The following GPR158 variants were observed in gnomAD, a reference collection of about 807,000 sequenced individuals.
GPR158 encodes the protein metabotropic glycine receptor.
A neutral mutation model predicts 78.2 loss-of-function variants in GPR158; 30 were observed. The ratio of observed to expected loss-of-function variants is 0.38; its 90% CI spans 0.29 to 0.52. The LOEUF (loss-of-function observed/expected upper bound fraction) is 0.52. GPR158 is among the 20% of genes least tolerant of loss of function. The probability of loss-of-function intolerance (pLI) is 0.83; values close to 1 mark genes in which losing one functional copy is unlikely to be tolerated. For synonymous variants in GPR158, 581 were observed against 591.1 expected (o/e 0.98, Z 0.25); for missense variants, 1,463 against 1,523.5 (o/e 0.96, Z 0.66).
At chr10:25,486,047 C>G (rs908502944) in intron 5 of GPR158, among the ~76,000 whole-genome samples, 1 of 152,044 alleles carries the variant, frequency 6.6e-6, no homozygotes, top group Non-Finnish European at 1.5e-5. Context: ...TGTCAGACAC[C>G]AAATCTATGG....
intron 2 of GPR158, among the ~76,000 whole-genome samples, chr10:25,340,389 C>T (rs1367206535): frequency 2.0e-5 from 3 of 151,998 alleles, no homozygotes; most frequent in Non-Finnish European, 2.9e-5. Context: ...GGAGGATACT[C>T]AGGAAATAAA....
intron 2 of GPR158, among the ~76,000 whole-genome samples, chr10:25,255,804 A>G (rs1853882165): frequency 6.6e-6 from 1 of 152,196 alleles, no homozygotes; most frequent in South Asian, 2.1e-4. Context: ...TTGACTCAAA[A>G]TCAACTGATT....
chr10:25,493,381 G>A (rs1835837191), intron 5 of GPR158, among the ~76,000 whole-genome samples: 1 of 152,120 alleles, frequency 6.6e-6, no homozygotes, highest in Non-Finnish European at 1.5e-5. Context: ...TAAGCCCCAT[G>A]CTGCTCTTTG....
chr10:25,386,520 G>T (rs1045391188), intron 2 of GPR158, among the ~76,000 whole-genome samples: 1 of 152,096 alleles, frequency 6.6e-6, no homozygotes, highest in Non-Finnish European at 1.5e-5. Flanking sequence ...GTTTTGCTTT[G>T]CTTTGAATAG....
intron 1 of GPR158, among the ~76,000 whole-genome samples, chr10:25,201,152 C>T (rs1260455003): frequency 6.6e-6 from 1 of 151,910 alleles, no homozygotes; most frequent in Non-Finnish European, 1.5e-5. Context: ...AATATTTTTC[C>T]ATTTTTTGTG....
chr10:25,186,029 A>C (rs963197631), intron 1 of GPR158, among the ~76,000 whole-genome samples: 1 of 152,218 alleles, frequency 6.6e-6, no homozygotes. Context: ...TGTCTCTCAG[A>C]CCACAGTGCA....
chr10:25,461,156 A>G (rs1835354606), intron 4 of GPR158, among the ~76,000 whole-genome samples: 1 of 152,172 alleles, frequency 6.6e-6, no homozygotes, highest in Non-Finnish European at 1.5e-5. Context: ...TTAGTGTTCA[A>G]GTGAAAGGAA....
At chr10:25,343,737 T>C (rs749694302) in intron 2 of GPR158, among the ~76,000 whole-genome samples, 8 of 152,020 alleles carry the variant, frequency 5.3e-5, no homozygotes, top group Non-Finnish European at 1.2e-4. Context: ...ACAGGTTCAA[T>C]GGACTACTTT....
chr10:25,497,427 C>T (rs1004084855), intron 5 of GPR158, among the ~76,000 whole-genome samples: 1 of 152,154 alleles, frequency 6.6e-6, no homozygotes, highest in African/African-American at 2.4e-5. Flanking sequence ...CGCCTATTAA[C>T]AGTCAGTGGA....
At chr10:25,574,725 A>G (rs1001632793) in intron 7 of GPR158, among the ~76,000 whole-genome samples, 1 of 152,108 alleles carries the variant, frequency 6.6e-6, no homozygotes, top group African/African-American at 2.4e-5. Context: ...TCTCTACTAA[A>G]AATACAAAAA....
chr10:25,373,823 G>A (rs931038558), intron 2 of GPR158, among the ~76,000 whole-genome samples: 15 of 151,906 alleles, frequency 9.9e-5, no homozygotes, highest in African/African-American at 3.6e-4. Context: ...TTTGAAATCT[G>A]TGGAGAGTCC....
intron 2 of GPR158, among the ~76,000 whole-genome samples, chr10:25,234,567 T>C (rs1269908948): frequency 1.3e-5 from 2 of 152,236 alleles, no homozygotes; most frequent in Non-Finnish European, 1.5e-5. Flanking sequence ...TTCTGTATTT[T>C]ACTCTTCAAA....
At chr10:25,450,543 G>A (rs144851546) in intron 4 of GPR158, among the ~76,000 whole-genome samples, 19 of 150,596 alleles carry the variant, frequency 1.3e-4, no homozygotes, top group African/African-American at 2.4e-4. Context: ...TCCTTATTCC[G>A]TAAAAATTTT....
chr10:25,178,764 A>ACT (rs1564383830), intron 1 of GPR158, among the ~76,000 whole-genome samples: 1 of 152,164 alleles, frequency 6.6e-6, no homozygotes, highest in Non-Finnish European at 1.5e-5. Flanking sequence ...CACAGTAGAA[A>ACT]CCAGAAGAAA....
chr10:25,420,288 T>C (rs1422889996), intron 4 of GPR158, among the ~76,000 whole-genome samples: 1 of 151,326 alleles, frequency 6.6e-6, no homozygotes, highest in Non-Finnish European at 1.5e-5. Flanking sequence ...GAGCTAGGAC[T>C]ACAGCTGCAT....
chr10:25,473,699 A>T (rs1457123364), intron 5 of GPR158, among the ~76,000 whole-genome samples: 1 of 152,130 alleles, frequency 6.6e-6, no homozygotes, highest in Non-Finnish European at 1.5e-5. Flanking sequence ...GTATGTGTCG[A>T]GGAATTTATC....
chr10:25,275,509 C>T (rs565503731), intron 2 of GPR158, among the ~76,000 whole-genome samples: 1 of 152,290 alleles, frequency 6.6e-6, no homozygotes, highest in South Asian at 2.1e-4. Flanking sequence ...CAACCTTTTC[C>T]AACACCCTTC....
At chr10:25,594,708 CT>C (rs1246055083) in intron 9 of GPR158, among the ~76,000 whole-genome samples, 5 of 150,576 alleles carry the variant, frequency 3.3e-5, no homozygotes, top group Admixed American at 6.6e-5. Flanking sequence ...TAAAAGAACT[CT>C]CCTATTCTAA....
At chr10:25,298,000 G>T (rs1854539892) in intron 2 of GPR158, among the ~76,000 whole-genome samples, 1 of 152,198 alleles carries the variant, frequency 6.6e-6, no homozygotes, top group African/African-American at 2.4e-5. Context: ...CTGAACCTCA[G>T]GTCCCATCTG....
Sources: allele counts gnomAD v4.1 joint callset (sites outside exome capture counted in the v4.1 genomes callset), GRCh38; gene constraint gnomAD v4.1.1; transcripts MANE v1.5; gene names NCBI Gene and HGNC (gene_info 2026-07-23, HGNC 2026-07-21).